The following CTHRC1 variants were observed in gnomAD, a reference collection of about 807,000 sequenced individuals.
CTHRC1 encodes collagen triple helix repeat-containing protein 1.
CTHRC1 carries 21 observed loss-of-function variants against 25.9 expected under a neutral mutation model. The observed-to-expected ratio is 0.81, with a 90% CI of 0.57 to 1.17. The LOEUF is 1.17. Among genes scored for constraint, CTHRC1 ranks in the 50% most tolerant of loss-of-function variants. The pLI, the probability that CTHRC1 is intolerant of heterozygous loss-of-function variation, is 0.00. For synonymous variants in CTHRC1, 109 were observed against 113.1 expected (o/e 0.96, Z 0.23); for missense variants, 281 against 304.3 (o/e 0.92, Z 0.57).
rs1815792903 is a variant in CTHRC1 at position 103,375,794 on chromosome 8, TG to T, written c.211del (p.Ala71ProfsTer24). The T allele has an allele frequency of 2.5e-6, 4 of 1,613,946 alleles. No individual in the cohort carries two copies. Among genetic ancestry groups the T allele is most frequent in the African/African-American group, 2.7e-5 (2 of 74,866 alleles). On this transcript the variant is annotated frameshift_variant, in exon 2 of 4. Transcript: ENST00000330295. LOFTEE classifies it high-confidence loss of function. Reference sequence around the variant, plus strand: ...GAGTGCCTGGTCGAGACGGGAGCCCTGGGGCCAATGGCATTCCGGGTACACC... The same window carrying T: ...GAGTGCCTGGTCGAGACGGGAGCCCTGGGCCAATGGCATTCCGGGTACACC... ...AGVPGRDGSP[G>X]ANGIPGTPGI...
At position 103,378,217 on chromosome 8, in the gene CTHRC1, C is replaced by G; in HGVS notation, c.563C>G (p.Thr188Arg). Residue 188 changes from threonine (T) to arginine (R), a missense_variant, in exon 3 of 4, where the codon ACA becomes AGA. Coordinates refer to ENST00000330295, the MANE Select transcript of CTHRC1 (RefSeq NM_138455.4). ...LDQGSPEMNS[T>R]INIHRTSSVE... The stretch of plus-strand genomic sequence containing the variant: ...CAAGGAAGCCCTGAAATGAATTCAA[C>G]AATTAATATTCATCGCACTTCTTCT... 1.2e-6 allele frequency: 2 copies of G among 1,613,418 alleles called. No homozygotes were observed. The highest frequency in any genetic ancestry group is 2.7e-5 in the African/African-American group (2 of 75,052).
At chr8:103,380,549 G>A (rs1298459463) in intron 3 of CTHRC1, among the ~76,000 whole-genome samples, 1 of 152,198 alleles carries the variant, frequency 6.6e-6, no homozygotes, top group Non-Finnish European at 1.5e-5. Flanking sequence ...GTTGTCATCT[G>A]TTACATGGTC....
chr8:103,371,647 G>A lies in CTHRC1; in HGVS notation c.-10G>A, dbSNP rs1417108542. 5.9e-6 allele frequency: 9 copies of A among 1,531,866 alleles called. No homozygotes were observed. In the South Asian group the frequency reaches 9.7e-5, roughly 17 times the overall value. The allele number at this position is 1,531,866 out of a possible 1,614,324, so 94.9% of individuals were successfully genotyped here. On this transcript the variant is annotated 5_prime_UTR_variant, in exon 1 of 4. Coordinates refer to ENST00000330295, the MANE Select transcript of CTHRC1 (RefSeq NM_138455.4). ...GCCTCCAGCTCCGCGCTGCCCGGCA[G>A]CCGGGAGCCATGCGACCCCAGGGCC...
Position 103,382,677 on chromosome 8 carries a change from T to C in CTHRC1, c.*77T>C, listed in dbSNP as rs1815935392. 2.4e-6 allele frequency: 3 copies of C among 1,252,618 alleles called. No homozygotes were observed. 77.6% of individuals were successfully genotyped at this position (1,252,618 alleles called of 1,614,324 possible). Reference sequence around the variant, plus strand: ...TCACTTAAATGACATTTTAAATAAGTTTATGTATACATCTGAATGAAAAGC... The same window carrying C: ...TCACTTAAATGACATTTTAAATAAGCTTATGTATACATCTGAATGAAAAGC... On this transcript the variant is annotated 3_prime_UTR_variant, in exon 4 of 4. Transcript: ENST00000330295.
Position 103,378,187 on chromosome 8 carries a change from T to G in CTHRC1, c.533T>G (p.Leu178Trp), listed in dbSNP as rs201319279. 2 of 1,614,192 alleles carry G rather than the reference T, an allele frequency of 1.2e-6. No homozygotes were observed. Among genetic ancestry groups the G allele is most frequent in the East Asian group, 4.5e-5 (2 of 44,880 alleles). Reference sequence around the variant, plus strand: ...CTTCCCATTGAAGCTATAATTTATTTGGACCAAGGAAGCCCTGAAATGAAT... The same window carrying G: ...CTTCCCATTGAAGCTATAATTTATTGGGACCAAGGAAGCCCTGAAATGAAT... Reference protein sequence around the residue: ...GPLPIEAIIYLDQGSPEMNST... With the variant: ...GPLPIEAIIYWDQGSPEMNST... Residue 178 changes from leucine to tryptophan, a missense_variant, in exon 3 of 4, where the codon TTG becomes TGG. Physicochemically the swap from Leu to Trp is moderately conservative, Grantham distance 61 (BLOSUM62 -2). Coordinates refer to ENST00000330295, the MANE Select transcript of CTHRC1 (RefSeq NM_138455.4).
intron 1 of CTHRC1, 129 bp from the exon 2 acceptor site, chr8:103,375,609 T>C (rs1184160398): frequency 5.1e-6 from 4 of 786,854 alleles, no homozygotes; most frequent in Non-Finnish European, 9.1e-6. Context: ...ATAACTCATC[T>C]AGAACACGGG....
intron 3 of CTHRC1, among the ~76,000 whole-genome samples, chr8:103,381,989 T>G (rs1563710839): frequency 6.6e-6 from 1 of 151,294 alleles, no homozygotes; most frequent in African/African-American, 2.4e-5. Context: ...CAGAGCGAGA[T>G]TCCATCTCAA....
Position 103,382,930 on chromosome 8 carries a change from A to G in CTHRC1, c.*330A>G, listed in dbSNP as rs758405535. 9 of 191,528 alleles carry G rather than the reference A, an allele frequency of 4.7e-5. No individual in the cohort carries two copies. The highest frequency in any genetic ancestry group is 7.6e-5 in the Non-Finnish European group (7 of 92,000). 11.9% of individuals were successfully genotyped at this position (191,528 alleles called of 1,614,324 possible). Reference sequence around the variant, plus strand: ...AAATATAAAAGCTACCAATCTTTGTACAATTTGTAAATGTTAAGAATTTTT... The same window carrying G: ...AAATATAAAAGCTACCAATCTTTGTGCAATTTGTAAATGTTAAGAATTTTT... On this transcript the variant is annotated 3_prime_UTR_variant, in exon 4 of 4. Transcript: ENST00000330295.
chr8:103,372,528 A>G (rs776856232), intron 1 of CTHRC1: 1 of 1,598,000 alleles, frequency 6.3e-7, no homozygotes, highest in Non-Finnish European at 8.5e-7. Flanking sequence ...GCAGTCTGTC[A>G]TTACACACAC....
chr8:103,374,892 T>G (rs1563708064), intron 1 of CTHRC1, among the ~76,000 whole-genome samples: 1 of 152,184 alleles, frequency 6.6e-6, no homozygotes, highest in African/African-American at 2.4e-5. Context: ...TAATGTAAGG[T>G]GGAGCCGGGA....
chr8:103,375,549 T>A (rs1815788949), intron 1 of CTHRC1, among the ~76,000 whole-genome samples, 189 bp from the exon 2 acceptor site: 1 of 152,168 alleles, frequency 6.6e-6, no homozygotes, highest in East Asian at 1.9e-4. Flanking sequence ...CTAAAAAATA[T>A]GAAGGAAATC....
At chr8:103,374,672 C>T (rs901428240) in intron 1 of CTHRC1, among the ~76,000 whole-genome samples, 1 of 152,194 alleles carries the variant, frequency 6.6e-6, no homozygotes, top group Admixed American at 6.5e-5. Flanking sequence ...GAGTTGCTGC[C>T]TTGCACTGGT....
chr8:103,371,629 G>A lies in CTHRC1; in HGVS notation c.-28G>A, dbSNP rs1021796454. The stretch of plus-strand genomic sequence containing the variant: ...CTCTCCTCGGTCTCCTCCGCCTCCA[G>A]CTCCGCGCTGCCCGGCAGCCGGGAG... On this transcript the variant is annotated 5_prime_UTR_variant, in exon 1 of 4. Transcript: ENST00000330295. 2.0e-6 allele frequency: 3 copies of A among 1,528,922 alleles called. No homozygotes were observed. The highest frequency in any genetic ancestry group is 4.0e-5 in the Admixed American group (2 of 49,390). The allele number at this position is 1,528,922 out of a possible 1,614,324, so 94.7% of individuals were successfully genotyped here.
chr8:103,380,109 A>T (rs554425519), intron 3 of CTHRC1, among the ~76,000 whole-genome samples: 5 of 152,220 alleles, frequency 3.3e-5, no homozygotes, highest in Non-Finnish European at 7.3e-5. Flanking sequence ...AGTCTTTAAA[A>T]TAAGAAGAAT....
In CTHRC1 at chr8:103,371,664, C is replaced by A; in HGVS notation, c.8C>A (p.Pro3His). 1 of 1,533,960 alleles carries A rather than the reference C, an allele frequency of 6.5e-7. No individual in the cohort carries two copies. Among genetic ancestry groups the A allele is most frequent in the Non-Finnish European group, 8.8e-7 (1 of 1,141,506 alleles). The change falls in exon 1 of 4, where the codon CCC becomes CAC. Residue 3 changes from proline to histidine, a missense_variant. By Grantham distance (77) the Pro-to-His change is moderately conservative (BLOSUM62 -2). Transcript: ENST00000330295. Reference protein sequence around the residue: MRPQGPAASPQRL... With the variant: MRHQGPAASPQRL... Reference sequence around the variant, plus strand: ...GCCCGGCAGCCGGGAGCCATGCGACCCCAGGGCCCCGCCGCCTCCCCGCAG... The same window carrying A: ...GCCCGGCAGCCGGGAGCCATGCGACACCAGGGCCCCGCCGCCTCCCCGCAG...
Position 103,382,845 on chromosome 8 carries a change from C to G in CTHRC1, c.*245C>G, listed in dbSNP as rs1009245244. On this transcript the variant is annotated 3_prime_UTR_variant, in exon 4 of 4. Transcript: ENST00000330295. ...TTCTTCATAGTCACATTCTCTCAAC[C>G]TATAATTTGGAATATTGTTGTGGTC... 1 of 437,040 alleles carries G rather than the reference C, an allele frequency of 2.3e-6. No homozygotes were observed. The highest frequency in any genetic ancestry group is 4.2e-6 in the Non-Finnish European group (1 of 239,800). The allele number at this position is 437,040 out of a possible 1,614,324, so 27.1% of individuals were successfully genotyped here. A position where few individuals can be genotyped will look rare whatever the true frequency, so the allele number is the denominator to read the frequency against.
Position 103,375,777 on chromosome 8 carries a change from G to T in CTHRC1, c.190G>T (p.Gly64Cys). The T allele has an allele frequency of 6.2e-7, 1 of 1,614,092 alleles. No individual in the cohort carries two copies. The highest frequency in any genetic ancestry group is 8.5e-7 in the Non-Finnish European group (1 of 1,180,022). ...CTTACAAGGGCCAGCAGGAGTGCCT[G>T]GTCGAGACGGGAGCCCTGGGGCCAA... The part of the protein sequence containing the change: ...MCLQGPAGVP[G>C]RDGSPGANGI... The change falls in exon 2 of 4, where the codon GGT (glycine) becomes TGT (cysteine). Residue 64 changes from glycine (G) to cysteine (C), a missense_variant. Coordinates refer to ENST00000330295, the MANE Select transcript of CTHRC1 (RefSeq NM_138455.4).
chr8:103,379,575 C>T (rs894565584), intron 3 of CTHRC1, among the ~76,000 whole-genome samples: 1 of 151,986 alleles, frequency 6.6e-6, no homozygotes, highest in African/African-American at 2.4e-5. Flanking sequence ...GATGGCACAC[C>T]ATGGTAGCAT....
Position 103,382,662 on chromosome 8 carries a change from G to C in CTHRC1, c.*62G>C, listed in dbSNP as rs778471255. ...ATGCCTTGGAATGGTTCACTTAAAT[G>C]ACATTTTAAATAAGTTTATGTATAC... On this transcript the variant is annotated 3_prime_UTR_variant, in exon 4 of 4. Transcript: ENST00000330295. The C allele has an allele frequency of 7.1e-7, 1 of 1,405,726 alleles. No individual in the cohort carries two copies. The highest frequency in any genetic ancestry group is 1.2e-5 in the South Asian group (1 of 86,430). The allele number at this position is 1,405,726 out of a possible 1,614,324, so 87.1% of individuals were successfully genotyped here. A position where few individuals can be genotyped will look rare whatever the true frequency, so the allele number is the denominator to read the frequency against.
Sources: allele counts gnomAD v4.1 joint callset (sites outside exome capture counted in the v4.1 genomes callset), GRCh38; gene constraint gnomAD v4.1.1; transcripts MANE v1.5; gene names NCBI Gene and HGNC (gene_info 2026-07-23, HGNC 2026-07-21).